Variants in CACNA2D2 observed in about 807,000 individuals in gnomAD.
CACNA2D2 encodes calcium voltage-gated channel auxiliary subunit alpha2delta 2.
Under a neutral mutation model 166.4 loss-of-function variants are expected in CACNA2D2, and 48 were observed. The observed-to-expected ratio is 0.29, with a 90% CI of 0.23 to 0.37. The LOEUF (loss-of-function observed/expected upper bound fraction) is 0.37, where lower values mean the gene tolerates loss of function less well. Among genes scored for constraint, CACNA2D2 ranks in the 10% least tolerant of loss-of-function variants. CACNA2D2 has a pLI of 1.00. For missense variants in CACNA2D2, 1,122 were observed against 1,433.0 expected, an observed-to-expected ratio of 0.78 and a Z score of 3.50; for synonymous variants, 561 against 573.7, an observed-to-expected ratio of 0.98 and a Z score of 0.32.
chr3:50,412,239 G>C (rs1707052287), intron 3 of CACNA2D2, among the ~76,000 whole-genome samples: 1 of 152,136 alleles, frequency 6.6e-6, no homozygotes, highest in African/African-American at 2.4e-5. Flanking sequence ...AGCTATCTCT[G>C]CCCACAACCC....
At chr3:50,383,283 C>T (rs1477046040) in intron 6 of CACNA2D2, among the ~76,000 whole-genome samples, 3 of 152,100 alleles carry the variant, frequency 2.0e-5, no homozygotes, top group Non-Finnish European at 4.4e-5. Context: ...TAGCTGACCC[C>T]GAGATGGAGA....
intron 1 of CACNA2D2, among the ~76,000 whole-genome samples, chr3:50,499,746 A>G (rs1471584081): frequency 6.6e-6 from 1 of 152,238 alleles, no homozygotes; most frequent in East Asian, 1.9e-4. Flanking sequence ...TGTGACAAAG[A>G]ATCTGGAGTG....
At chr3:50,499,112 A>G (rs1367441536) in intron 1 of CACNA2D2, among the ~76,000 whole-genome samples, 16 of 152,168 alleles carry the variant, frequency 1.1e-4, no homozygotes, top group Non-Finnish European at 2.2e-4. Context: ...GAGGTGGCCC[A>G]ATGTCTTCCT....
At position 50,367,155 on chromosome 3, in the gene CACNA2D2, C is replaced by T. The variant is rs779434285; in HGVS notation, c.2402-46G>A. 4.9e-6 allele frequency: 7 copies of T among 1,428,736 alleles called. No homozygotes were observed. Among genetic ancestry groups the T allele is most frequent in the Non-Finnish European group, 6.9e-6 (7 of 1,019,448 alleles). The allele number at this position is 1,428,736 out of a possible 1,614,324, so 88.5% of individuals were successfully genotyped here. ...TCAGGAGTGGGGTCTGGCGGCCACA[C>T]TGACCACTCTATGCTGGGTCCTACA... On this transcript the variant is annotated intron_variant, in intron 27 of 37. Transcript: ENST00000424201. The surrounding 1 kb of genome is among the most constrained non-coding windows in gnomAD (Gnocchi z 6.5).
chr3:50,426,762 A>T (rs906505557), intron 3 of CACNA2D2, among the ~76,000 whole-genome samples: 7 of 152,172 alleles, frequency 4.6e-5, no homozygotes, highest in African/African-American at 1.7e-4. Context: ...TTCAGGGGCC[A>T]GAGAAGCTTA....
chr3:50,450,071 A>C (rs920200073), intron 2 of CACNA2D2, among the ~76,000 whole-genome samples: 4 of 152,176 alleles, frequency 2.6e-5, no homozygotes, highest in Non-Finnish European at 1.5e-5. Context: ...GGCAAGCTAA[A>C]GGTGGCCCCC....
intron 5 of CACNA2D2, among the ~76,000 whole-genome samples, chr3:50,387,322 G>A (rs1043515206): frequency 2.6e-5 from 4 of 151,838 alleles, no homozygotes; most frequent in East Asian, 3.8e-4. Flanking sequence ...TGCCCCGTGC[G>A]GGAAGGGCCA....
chr3:50,449,216 G>A (rs1277460563), intron 2 of CACNA2D2, among the ~76,000 whole-genome samples: 2 of 152,274 alleles, frequency 1.3e-5, no homozygotes, highest in South Asian at 2.1e-4. Context: ...GCTCAGCCTC[G>A]GAGCAAGATG....
intron 2 of CACNA2D2, among the ~76,000 whole-genome samples, chr3:50,443,496 C>T (rs1303283770): frequency 1.3e-5 from 2 of 152,236 alleles, no homozygotes; most frequent in African/African-American, 4.8e-5. Flanking sequence ...GCCTGTGGCA[C>T]TGGGCTTCTC....
intron 2 of CACNA2D2, among the ~76,000 whole-genome samples, chr3:50,445,749 C>G (rs1292766777): frequency 6.6e-6 from 1 of 152,182 alleles, no homozygotes; most frequent in East Asian, 1.9e-4. Context: ...TACAGCCTAT[C>G]CTGGGCTCTC....
chr3:50,414,836 C>T lies in CACNA2D2; in HGVS notation c.405+19477G>A, dbSNP rs543714945. 1.7e-4 allele frequency among the ~76,000 whole-genome samples: 26 copies of T among 152,344 alleles called. No homozygotes were observed. The South Asian group carries it at 3.1e-3, about 18-fold the overall frequency. On this transcript the variant is annotated intron_variant, in intron 3 of 37. Coordinates refer to ENST00000424201, the MANE Select transcript of CACNA2D2 (RefSeq NM_006030.4). ...CAACCCCTCCAAGTCTGCGCCAGGC[C>T]GGCGGCGCAGGGCTCCGGGAGCCCA...
At chr3:50,421,342 GA>G (rs1479556769) in intron 3 of CACNA2D2, among the ~76,000 whole-genome samples, 1 of 152,176 alleles carries the variant, frequency 6.6e-6, no homozygotes, top group Non-Finnish European at 1.5e-5. Flanking sequence ...GGGTGGCAGG[GA>G]AAGGTCAGGG....
chr3:50,405,078 C>T (rs1203645569), intron 3 of CACNA2D2, among the ~76,000 whole-genome samples: 1 of 152,170 alleles, frequency 6.6e-6, no homozygotes, highest in Non-Finnish European at 1.5e-5. Flanking sequence ...CCCTTCTCAG[C>T]TCTATTAACA....
chr3:50,397,615 G>A (rs1011488194), intron 3 of CACNA2D2, among the ~76,000 whole-genome samples: 6 of 152,186 alleles, frequency 3.9e-5, no homozygotes, highest in African/African-American at 7.2e-5. Context: ...CATAGTAACT[G>A]CACCCACTCA....
intron 2 of CACNA2D2, 121 bp from the exon 3 acceptor site, chr3:50,434,550 C>T: frequency 1.3e-6 from 1 of 748,408 alleles, no homozygotes; most frequent in Non-Finnish European, 2.3e-6. Flanking sequence ...CAGACCCTGT[C>T]TTTGGCCTCT....
At chr3:50,422,300 C>G (rs894810783) in intron 3 of CACNA2D2, among the ~76,000 whole-genome samples, 2 of 152,170 alleles carry the variant, frequency 1.3e-5, no homozygotes, top group Non-Finnish European at 2.9e-5. Context: ...ACAGTGGAAG[C>G]TGGAGGCCGC....
chr3:50,479,432 C>T (rs139652076), intron 1 of CACNA2D2, among the ~76,000 whole-genome samples: 88 of 152,358 alleles, frequency 5.8e-4, no homozygotes, highest in African/African-American at 2.1e-3. Context: ...AAATCAAACT[C>T]AATTAGGAGG....
rs1709768179 is a variant in CACNA2D2, at chr3:50,465,017, T to C, written c.288+11101A>G. The stretch of plus-strand genomic sequence containing the variant: ...TGGGAGGAAATTTCCAAAGCACCTG[T>C]TCTGAACATAAATCTACCCAGCTGT... On this transcript the variant is annotated intron_variant, in intron 2 of 37. Coordinates refer to ENST00000424201, the MANE Select transcript of CACNA2D2 (RefSeq NM_006030.4). Among the ~76,000 whole-genome samples, 3 of 152,312 alleles carry C rather than the reference T, an allele frequency of 2.0e-5. No individual in the cohort carries two copies. The South Asian group carries it at 6.2e-4, about 32-fold the overall frequency.
In CACNA2D2 at chr3:50,495,793, C is replaced by G. The variant is rs761339374; in HGVS notation, c.206+7425G>C. Among the ~76,000 whole-genome samples, 111 of 152,130 alleles carry G rather than the reference C, an allele frequency of 7.3e-4. 1 individual carries two copies. Among genetic ancestry groups the G allele is most frequent in the Non-Finnish European group, 1.5e-3 (103 of 68,026 alleles). Reference sequence around the variant, plus strand: ...CACACAGCAAGAGCTTCCCACTCTGCCTGAGCCCAGGCTCCACGCCCACCC... The same window carrying G: ...CACACAGCAAGAGCTTCCCACTCTGGCTGAGCCCAGGCTCCACGCCCACCC... On this transcript the variant is annotated intron_variant, in intron 1 of 37. Transcript: ENST00000424201.
Sources: gnomAD v4.1 joint callset for allele counts (sites outside exome capture counted in the v4.1 genomes callset) on GRCh38, gnomAD v4.1.1 for gene constraint, Gnocchi (gnomAD v3.1) non-coding constraint, MANE v1.5 for transcripts, NCBI Gene and HGNC (gene_info 2026-07-23, HGNC 2026-07-21) for gene names.